CCNY: variants seen among roughly 807,000 people sequenced by gnomAD.
CCNY encodes cyclin Y, also known as cyclin-Y.
In CCNY, 19 loss-of-function variants were observed where a neutral mutation model predicts 42.8. That is an observed-to-expected ratio of 0.44 (90% confidence interval 0.31 to 0.65). The LOEUF (loss-of-function observed/expected upper bound fraction) is 0.65. Ranked by LOEUF, CCNY falls within the 30% of genes least tolerant of loss-of-function variation. CCNY has a pLI of 0.07. For missense variants in CCNY, 370 were observed against 437.3 expected (o/e 0.85, Z 1.37); for synonymous variants, 165 against 162.7 (o/e 1.01, Z -0.11).
intron 1 of CCNY, among the ~76,000 whole-genome samples, chr10:35,477,054 C>T (rs1839529129): frequency 3.3e-5 from 5 of 152,248 alleles, no homozygotes; most frequent in African/African-American, 1.2e-4. Context: ...GGATAAATTC[C>T]TGGACACATA....
At chr10:35,457,637 G>A (rs183138833) in intron 1 of CCNY, among the ~76,000 whole-genome samples, 153 of 151,830 alleles carry the variant, frequency 1.0e-3, no homozygotes, top group Non-Finnish European at 1.5e-3. Flanking sequence ...CTGGAGTGCA[G>A]TGGCACAGTC....
intron 1 of CCNY, among the ~76,000 whole-genome samples, chr10:35,399,720 G>A (rs1837603305): frequency 6.6e-6 from 1 of 152,222 alleles, no homozygotes; most frequent in South Asian, 2.1e-4. Context: ...CTCTTCTGCA[G>A]TAGATCTTTT....
At position 35,312,378 on chromosome 10, in the gene CCNY, G is replaced by A. The variant is rs561365558; in HGVS notation, c.-9+61752G>A. ...CCTGGGCAACAGAGTGAGACTCTGTGTCACAAAAAAAAAAAAAAAAAAAAA... is the reference window on the plus strand; with the variant it reads ...CCTGGGCAACAGAGTGAGACTCTGTATCACAAAAAAAAAAAAAAAAAAAAA... On this transcript the variant is annotated intron_variant, in intron 3 of 11. Coordinates refer to the CCNY transcript ENST00000374706. 1.4e-4 allele frequency among the ~76,000 whole-genome samples: 12 copies of A among 86,116 alleles called. No individual in the cohort carries two copies. In the East Asian group the frequency reaches 4.8e-3, roughly 34 times the overall value. 56.5% of individuals were successfully genotyped at this position (86,116 alleles called of 152,430 possible). A position where few individuals can be genotyped will look rare whatever the true frequency, so the allele number is the denominator to read the frequency against.
chr10:35,438,481 ATAT>A (rs1838592708), intron 1 of CCNY, among the ~76,000 whole-genome samples: 1 of 152,082 alleles, frequency 6.6e-6, no homozygotes, highest in Non-Finnish European at 1.5e-5. Flanking sequence ...GAGTTATATA[ATAT>A]TCTGTTGTAT....
chr10:35,556,578 T>G (rs1399632431), intron 8 of CCNY, among the ~76,000 whole-genome samples: 2 of 152,164 alleles, frequency 1.3e-5, no homozygotes, highest in African/African-American at 2.4e-5. Context: ...TATATGGATA[T>G]TTGGGGAGGA....
intron 3 of CCNY, among the ~76,000 whole-genome samples, chr10:35,275,668 C>T (rs1268884472): frequency 6.6e-6 from 1 of 151,836 alleles, no homozygotes; most frequent in Non-Finnish European, 1.5e-5. Context: ...GAGGCTGAGG[C>T]AGGAGAATGG....
rs11451104 is a variant in CCNY at position 35,514,075 on chromosome 10, CAAAAAAAAA to C, written c.265-2434_265-2426del. The stretch of plus-strand genomic sequence containing the variant: ...CCACCACACCCTGAGAGGACCAGTT[CAAAAAAAAA>C]AAAAAAAAAAAAACAGAGACAACCC... On this transcript the variant is annotated intron_variant, in intron 3 of 9. Coordinates refer to ENST00000374704, the MANE Select transcript of CCNY (RefSeq NM_145012.6). Among the ~76,000 whole-genome samples, 231 of 76,192 alleles carry C rather than the reference CAAAAAAAAA, an allele frequency of 3.0e-3. 7 individuals are homozygous for C. The East Asian group carries it at 0.076, about 25-fold the overall frequency. The allele number at this position is 76,192 out of a possible 152,430, so 50.0% of individuals were successfully genotyped here.
At chr10:35,380,413 T>C (rs1416412599) in intron 1 of CCNY, among the ~76,000 whole-genome samples, 1 of 152,244 alleles carries the variant, frequency 6.6e-6, no homozygotes, top group Non-Finnish European at 1.5e-5. Flanking sequence ...TCAGAGAGTT[T>C]TAAAGCCCAA....
chr10:35,490,708 C>T (rs1296839516), intron 2 of CCNY, among the ~76,000 whole-genome samples: 1 of 152,230 alleles, frequency 6.6e-6, no homozygotes, highest in Non-Finnish European at 1.5e-5. Flanking sequence ...GGTTGTGCCA[C>T]AGGAGGCTGG....
chr10:35,366,523 G>A (rs1230586125), intron 1 of CCNY, among the ~76,000 whole-genome samples: 1 of 152,186 alleles, frequency 6.6e-6, no homozygotes, highest in East Asian at 1.9e-4. Flanking sequence ...TTTATTATAA[G>A]TTATTAGTGC....
At chr10:35,546,723 C>A (rs756224847) in intron 7 of CCNY, among the ~76,000 whole-genome samples, 1 of 152,086 alleles carries the variant, frequency 6.6e-6, no homozygotes, top group African/African-American at 2.4e-5. Flanking sequence ...TTCAGTTAGC[C>A]GTAATGGAAT....
At chr10:35,509,029 G>A (rs773490573) in intron 3 of CCNY, among the ~76,000 whole-genome samples, 1 of 152,154 alleles carries the variant, frequency 6.6e-6, no homozygotes, top group African/African-American at 2.4e-5. Flanking sequence ...TTAGCATAAT[G>A]TTCTCAAGGT....
chr10:35,497,537 A>G (rs898614771), intron 2 of CCNY, among the ~76,000 whole-genome samples: 2 of 152,146 alleles, frequency 1.3e-5, no homozygotes, highest in African/African-American at 4.8e-5. Flanking sequence ...GAGGAGTTCG[A>G]GACCAGCCTG....
intron 1 of CCNY, among the ~76,000 whole-genome samples, chr10:35,405,081 C>G (rs1837728227): frequency 6.6e-6 from 1 of 152,020 alleles, no homozygotes; most frequent in Non-Finnish European, 1.5e-5. Flanking sequence ...GGTGGATAGG[C>G]AAGACAATTT....
chr10:35,459,242 C>G (rs910210344), intron 1 of CCNY, among the ~76,000 whole-genome samples: 2 of 152,170 alleles, frequency 1.3e-5, no homozygotes. Flanking sequence ...GGCTCCCGGG[C>G]CAGCGCTGCT....
intron 3 of CCNY, among the ~76,000 whole-genome samples, chr10:35,271,095 C>T (rs1211346301): frequency 6.6e-6 from 1 of 152,142 alleles, no homozygotes; most frequent in Non-Finnish European, 1.5e-5. Flanking sequence ...AGAAGTCACG[C>T]TCTGTTATAA....
chr10:35,499,520 C>T (rs189544938), intron 2 of CCNY, among the ~76,000 whole-genome samples: 1 of 152,296 alleles, frequency 6.6e-6, no homozygotes, highest in East Asian at 1.9e-4. Flanking sequence ...ATAGTCAGAA[C>T]TATTGAAGGT....
At chr10:35,501,376 T>C (rs1257062107) in intron 2 of CCNY, 125 bp from the exon 3 acceptor site, 1 of 746,260 alleles carries the variant, frequency 1.3e-6, no homozygotes, top group African/African-American at 1.7e-5. Context: ...GTTTGATAAA[T>C]GAGCAAGTGG....
intron 1 of CCNY, 39 bp from the exon 2 acceptor site, chr10:35,483,365 G>A: frequency 7.6e-7 from 1 of 1,315,578 alleles, no homozygotes; most frequent in East Asian, 2.3e-5. Flanking sequence ...TTAGTTATCA[G>A]ATGGTTTATT....
Sources: allele counts gnomAD v4.1 joint callset (sites outside exome capture counted in the v4.1 genomes callset), GRCh38; gene constraint gnomAD v4.1.1; transcripts MANE v1.5; gene names NCBI Gene and HGNC (gene_info 2026-07-23, HGNC 2026-07-21).